Variants in SPATA16 observed in about 807,000 individuals in gnomAD.
SPATA16 encodes spermatogenesis associated 16.
Under a neutral mutation model 63.3 loss-of-function variants are expected in SPATA16, and 36 were observed. The ratio of observed to expected loss-of-function variants is 0.57; its 90% CI spans 0.44 to 0.75. The LOEUF is 0.75. Among genes scored for constraint, SPATA16 ranks in the 30% least tolerant of loss-of-function variants. SPATA16 has a pLI of 0.00. For synonymous variants in SPATA16, 203 were observed against 216.7 expected (o/e 0.94, Z 0.56); for missense variants, 646 against 679.3 (o/e 0.95, Z 0.54).
chr3:173,096,985 C>T, intron 2 of SPATA16, among the ~76,000 whole-genome samples: 1 of 152,174 alleles, frequency 6.6e-6, no homozygotes, highest in Non-Finnish European at 1.5e-5. Flanking sequence ...GTAGTCCCTT[C>T]TTACCCATGG....
At chr3:173,068,937 C>T (rs1443131082) in intron 2 of SPATA16, among the ~76,000 whole-genome samples, 29 of 150,452 alleles carry the variant, frequency 1.9e-4, no homozygotes, top group African/African-American at 6.9e-4. Flanking sequence ...GGTGAAACCC[C>T]GTCTCTAATA....
At chr3:172,955,446 T>G (rs1733546240) in intron 6 of SPATA16, among the ~76,000 whole-genome samples, 1 of 152,130 alleles carries the variant, frequency 6.6e-6, no homozygotes, top group Non-Finnish European at 1.5e-5. Flanking sequence ...ACAAAAAATA[T>G]GAGTTCGAAG....
chr3:172,899,128 A>C (rs1732071026), intron 10 of SPATA16, among the ~76,000 whole-genome samples: 1 of 151,986 alleles, frequency 6.6e-6, no homozygotes. Context: ...GGGCACATAA[A>C]CGTTGATTAG....
chr3:172,953,014 C>T (rs913856570), intron 6 of SPATA16, among the ~76,000 whole-genome samples: 1 of 151,266 alleles, frequency 6.6e-6, no homozygotes, highest in Non-Finnish European at 1.5e-5. Context: ...GTGACAACAA[C>T]CTCTATTCCC....
Position 173,007,965 on chromosome 3 carries a change from C to A in SPATA16, c.848+11521G>T, listed in dbSNP as rs557484672. Among the ~76,000 whole-genome samples, 12 of 152,112 alleles carry A rather than the reference C, an allele frequency of 7.9e-5. No individual in the cohort carries two copies. In the East Asian group the frequency reaches 1.9e-3, roughly 24 times the overall value. ...AAATAATCTTATTGAATATATTCAA[C>A]TGATATGAATACATATTCATATGTA... On this transcript the variant is annotated intron_variant, in intron 4 of 10. Transcript: ENST00000351008.
chr3:173,031,350 C>A (rs1475692243), intron 3 of SPATA16, among the ~76,000 whole-genome samples: 1 of 145,316 alleles, frequency 6.9e-6, no homozygotes, highest in Non-Finnish European at 1.5e-5. Flanking sequence ...ATCTTAAGAT[C>A]CTAAAAGTTT....
At chr3:173,041,166 A>G (rs1298891012) in intron 3 of SPATA16, among the ~76,000 whole-genome samples, 1 of 152,138 alleles carries the variant, frequency 6.6e-6, no homozygotes, top group Non-Finnish European at 1.5e-5. Flanking sequence ...CTGACTTCTC[A>G]AGGAGGCAAA....
rs555094273 is a variant in SPATA16, at chr3:172,935,566, G to A, written c.1082-10074C>T. Among the ~76,000 whole-genome samples, 9 of 152,238 alleles carry A rather than the reference G, an allele frequency of 5.9e-5. No individual in the cohort carries two copies. In the East Asian group the frequency reaches 1.2e-3, roughly 20 times the overall value. The stretch of plus-strand genomic sequence containing the variant: ...AAGAATTTACAAATATAAGTCAGAC[G>A]TTAGAAGGAAAAGGTAAGATAATAG... On this transcript the variant is annotated intron_variant, in intron 6 of 10. Coordinates refer to ENST00000351008, the MANE Select transcript of SPATA16 (RefSeq NM_031955.6).
chr3:172,990,067 G>C (rs576785698), intron 4 of SPATA16, among the ~76,000 whole-genome samples: 205 of 152,190 alleles, frequency 1.3e-3, no homozygotes, highest in Middle Eastern at 6.8e-3. Context: ...TTTTAAATTA[G>C]CTATTGGTAT....
chr3:172,964,784 G>A lies in SPATA16; in HGVS notation c.934-7960C>T, dbSNP rs143352094. ...GGCAGGGTTGGGACAAAGACCTGGT[G>A]ACTTCGTTCTCAAACTTGTACTGCT... On this transcript the variant is annotated intron_variant, in intron 5 of 10. Transcript: ENST00000351008. Among the ~76,000 whole-genome samples, 287 of 152,276 alleles carry A rather than the reference G, an allele frequency of 1.9e-3. 4 individuals carry two copies. The highest frequency in any genetic ancestry group is 1.5e-3 in the East Asian group (8 of 5,184).
chr3:172,967,156 G>A (rs992946863), intron 5 of SPATA16, among the ~76,000 whole-genome samples: 3 of 152,170 alleles, frequency 2.0e-5, no homozygotes, highest in Admixed American at 2.0e-4. Context: ...TTAAAGTAAA[G>A]AAAGGCCTGA....
chr3:172,935,243 T>C (rs964992935), intron 6 of SPATA16, among the ~76,000 whole-genome samples: 1 of 152,190 alleles, frequency 6.6e-6, no homozygotes, highest in Non-Finnish European at 1.5e-5. Flanking sequence ...GGTGTGAGGA[T>C]TGCTTGAGGC....
Position 172,894,682 on chromosome 3 carries a change from A to G in SPATA16, c.1588-4990T>C, listed in dbSNP as rs557303819. On this transcript the variant is annotated intron_variant, in intron 10 of 10. Transcript: ENST00000351008. ...TCATATGTTGAAATTCTAACTCCCA[A>G]AGTGATAGTATTAGAATGTAAGATC... Among the ~76,000 whole-genome samples, 44 of 152,290 alleles carry G rather than the reference A, an allele frequency of 2.9e-4. No homozygotes were observed. In the South Asian group the frequency reaches 7.5e-3, roughly 26 times the overall value.
chr3:173,028,793 T>G (rs1735529733), intron 3 of SPATA16, among the ~76,000 whole-genome samples: 1 of 152,042 alleles, frequency 6.6e-6, no homozygotes, highest in Admixed American at 6.6e-5. Context: ...CACTGAATTG[T>G]GCCTTCACCA....
chr3:172,903,307 A>G (rs9840230), intron 10 of SPATA16, among the ~76,000 whole-genome samples: 3,358 of 152,356 alleles, frequency 0.022, 126 homozygotes, highest in African/African-American at 0.078. Context: ...AAATTTGGAA[A>G]GATGCATTTT....
At chr3:173,137,864 C>G (rs1293523862) in intron 1 of SPATA16, among the ~76,000 whole-genome samples, 2 of 150,916 alleles carry the variant, frequency 1.3e-5, no homozygotes, top group African/African-American at 2.5e-5. Flanking sequence ...CACACACACA[C>G]ACACACACAG....
chr3:173,041,347 A>C (rs1262661478), intron 3 of SPATA16, among the ~76,000 whole-genome samples: 1 of 152,188 alleles, frequency 6.6e-6, no homozygotes, highest in Admixed American at 6.5e-5. Context: ...TAATCTATGA[A>C]TCACAGAAGG....
intron 4 of SPATA16, among the ~76,000 whole-genome samples, chr3:173,003,780 C>T (rs1228070818): frequency 2.0e-5 from 3 of 152,186 alleles, no homozygotes; most frequent in Non-Finnish European, 4.4e-5. Context: ...TCAACAATGA[C>T]AGCAGTAGCA....
intron 1 of SPATA16, among the ~76,000 whole-genome samples, chr3:173,124,774 C>T (rs1327659713): frequency 6.6e-6 from 1 of 152,100 alleles, no homozygotes; most frequent in Non-Finnish European, 1.5e-5. Flanking sequence ...TTCCAATTTT[C>T]CAATTATTTC....
Sources: allele counts gnomAD v4.1 joint callset (sites outside exome capture counted in the v4.1 genomes callset), GRCh38; gene constraint gnomAD v4.1.1; transcripts MANE v1.5; gene names NCBI Gene and HGNC (gene_info 2026-07-23, HGNC 2026-07-21).